The following SH2B1 variants were observed in gnomAD, a reference collection of about 807,000 sequenced individuals.
The protein encoded by SH2B1 is SH2B adapter protein 1.
A neutral mutation model predicts 62.6 loss-of-function variants in SH2B1; 15 were observed. The observed-to-expected ratio is 0.24, with a 90% CI of 0.16 to 0.37. SH2B1 has a LOEUF of 0.37. SH2B1 is among the 10% of genes least tolerant of loss of function. The pLI is 1.00. For missense variants in SH2B1, 925 were observed against 1,015.6 expected, an observed-to-expected ratio of 0.91 and a Z score of 1.21; for synonymous variants, 443 against 438.0, an observed-to-expected ratio of 1.01 and a Z score of -0.14.
Position 28,872,100 on chromosome 16 carries a change from G to T in SH2B1, c.1514-90G>T. ...AGTTGGGGACGCATGTGGGGAGCAG[G>T]CGCCTTGAGGGGAAGGCAAGGCTTT... On this transcript the variant is annotated intron_variant, in intron 5 of 7. Transcript: ENST00000684370. This position sits in a 1 kb window ranked among gnomAD's most constrained non-coding sequence, Gnocchi z 5.3. The T allele has an allele frequency of 7.1e-7, 1 of 1,401,330 alleles. No homozygotes were observed. The highest frequency in any genetic ancestry group is 1.2e-5 in the South Asian group (1 of 84,596). The allele number at this position is 1,401,330 out of a possible 1,614,324, so 86.8% of individuals were successfully genotyped here. A position where few individuals can be genotyped will look rare whatever the true frequency, so the allele number is the denominator to read the frequency against.
chr16:28,866,128 TC>T lies in SH2B1; in HGVS notation c.39del (p.Ser14ArgfsTer82). 1.9e-6 allele frequency: 3 copies of T among 1,574,338 alleles called. No homozygotes were observed. Among genetic ancestry groups the T allele is most frequent in the Non-Finnish European group, 8.6e-7 (1 of 1,162,568 alleles). ...TGCCCCTTCCCCAGAGGACGGGGCC[TC>T]CCCCTCGTCTCCCCCGCTGCCCCCA... ...NGAPSPEDGA[S>X]PSSPPLPPPP... On this transcript the variant is annotated frameshift_variant, in exon 1 of 8. Transcript: ENST00000684370. LOFTEE classifies it high-confidence loss of function. This position sits in a 1 kb window ranked among gnomAD's most constrained non-coding sequence, Gnocchi z 6.3.
Position 28,872,111 on chromosome 16 carries a change from G to C in SH2B1, c.1514-79G>C. On this transcript the variant is annotated intron_variant, in intron 5 of 7. Coordinates refer to ENST00000684370, the MANE Select transcript of SH2B1 (RefSeq NM_001387430.1). The surrounding 1 kb of genome is among the most constrained non-coding windows in gnomAD (Gnocchi z 5.3). ...CATGTGGGGAGCAGGCGCCTTGAGG[G>C]GAAGGCAAGGCTTTTTTCTCCCAGG... 6.9e-7 allele frequency: 1 copy of C among 1,454,962 alleles called. No homozygotes were observed. The highest frequency in any genetic ancestry group is 9.6e-7 in the Non-Finnish European group (1 of 1,046,854). 90.1% of individuals were successfully genotyped at this position (1,454,962 alleles called of 1,614,324 possible). A position where few individuals can be genotyped will look rare whatever the true frequency, so the allele number is the denominator to read the frequency against.
chr16:28,863,885 G>A lies in SH2B1; in HGVS notation c.-2210G>A, dbSNP rs1962537762. On this transcript the variant is annotated 5_prime_UTR_variant, in exon 1 of 8. Coordinates refer to ENST00000684370, the MANE Select transcript of SH2B1 (RefSeq NM_001387430.1). ...CGTCGCGTAGTGGGTGGGGGCGCAG[G>A]GAGCGGGAGCCGCCGCCGCCGCCGC... 2.0e-6 allele frequency: 3 copies of A among 1,494,184 alleles called. No homozygotes were observed. The highest frequency in any genetic ancestry group is 2.7e-6 in the Non-Finnish European group (3 of 1,128,172). The allele number at this position is 1,494,184 out of a possible 1,614,324, so 92.6% of individuals were successfully genotyped here.
At chr16:28,846,628 G>A, upstream of SH2B1, 1 of 340,536 alleles carries the variant, frequency 2.9e-6, no homozygotes, top group Non-Finnish European at 5.5e-6. Context: ...AGGTCGGCGG[G>A]CTGTGGAGGT....
In SH2B1 at chr16:28,873,624, T is replaced by C; in HGVS notation, c.2075T>C (p.Leu692Pro). The change falls in exon 8 of 8, where the codon CTG becomes CCG. Residue 692 changes from leucine to proline, a missense_variant. By Grantham distance (98) the Leu-to-Pro change is moderately conservative. Transcript: ENST00000684370. The surrounding 1 kb of genome is among the most constrained non-coding windows in gnomAD (Gnocchi z 4.2). Reference sequence around the variant, plus strand: ...GGCGGTGGAGGGGTCCCGGAAGAGCTGGTCCCCGTGGTTGAGCTGGTCCCC... The same window carrying C: ...GGCGGTGGAGGGGTCCCGGAAGAGCCGGTCCCCGTGGTTGAGCTGGTCCCC... Reference protein sequence around the residue: ...KAGGGGVPEELVPVVELVPVV... With the variant: ...KAGGGGVPEEPVPVVELVPVV... 1 of 1,541,262 alleles carries C rather than the reference T, an allele frequency of 6.5e-7. No individual in the cohort carries two copies. The highest frequency in any genetic ancestry group is 8.8e-7 in the Non-Finnish European group (1 of 1,142,440).
Position 28,873,649 on chromosome 16 carries a change from C to G in SH2B1, c.2100C>G (p.Pro700=). Residue 700 remains proline (P), a synonymous_variant, in exon 8 of 8, where the codon CCC becomes CCG. Coordinates refer to ENST00000684370, the MANE Select transcript of SH2B1 (RefSeq NM_001387430.1). This position sits in a 1 kb window ranked among gnomAD's most constrained non-coding sequence, Gnocchi z 4.2. ...TGGTCCCCGTGGTTGAGCTGGTCCC[C>G]GTGGTTGAATTGGAAGAGGCCATAG... The part of the protein sequence containing the change: ...EELVPVVELV[P]VVELEEAIAP... 2 of 1,533,340 alleles carry G rather than the reference C, an allele frequency of 1.3e-6. No individual in the cohort carries two copies. The highest frequency in any genetic ancestry group is 1.8e-6 in the Non-Finnish European group (2 of 1,138,604). The allele number at this position is 1,533,340 out of a possible 1,614,324, so 95.0% of individuals were successfully genotyped here.
chr16:28,872,357 C>T lies in SH2B1; in HGVS notation c.1681C>T (p.Arg561Trp), dbSNP rs1963091727. The T allele has an allele frequency of 1.9e-6, 3 of 1,612,944 alleles. No individual in the cohort carries two copies. Among genetic ancestry groups the T allele is most frequent in the Non-Finnish European group, 2.5e-6 (3 of 1,179,292 alleles). The part of the protein sequence containing the change: ...VFLVRQSETR[R>W]GEYVLTFNFQ... Reference sequence around the variant, plus strand: ...CCTGGTGCGCCAGAGTGAGACAAGGCGGGGTGAATACGTCCTCACCTTCAA... The same window carrying T: ...CCTGGTGCGCCAGAGTGAGACAAGGTGGGGTGAATACGTCCTCACCTTCAA... The change falls in exon 6 of 8, where the codon CGG becomes TGG. Residue 561 changes from arginine to tryptophan, a missense_variant. Around this residue, in one of 3 missense-constraint regions of SH2B1, gnomAD observed 57 missense variants for 122.1 expected, o/e 0.47. Coordinates refer to ENST00000684370, the MANE Select transcript of SH2B1 (RefSeq NM_001387430.1). The surrounding 1 kb of genome is among the most constrained non-coding windows in gnomAD (Gnocchi z 5.3).
In SH2B1 at chr16:28,865,700, G is replaced by A. The variant is rs950657069; in HGVS notation, c.-395G>A. 4 of 1,013,728 alleles carry A rather than the reference G, an allele frequency of 3.9e-6. No individual in the cohort carries two copies. Among genetic ancestry groups the A allele is most frequent in the South Asian group, 4.5e-5 (1 of 22,198 alleles). 62.8% of individuals were successfully genotyped at this position (1,013,728 alleles called of 1,614,324 possible). On this transcript the variant is annotated 5_prime_UTR_variant, in exon 1 of 8. Coordinates refer to ENST00000684370, the MANE Select transcript of SH2B1 (RefSeq NM_001387430.1). ...TGAATATTGGAGGATCCGATGTAGA[G>A]GGGGGGTGATCTGGAAAAGTTCCCT...
At chr16:28,863,777 C>G, upstream of SH2B1, 5 of 1,535,726 alleles carry the variant, frequency 3.3e-6, no homozygotes, top group Non-Finnish European at 3.5e-6. Flanking sequence ...GTGCCCTTCC[C>G]TCCCGCCGCT....
rs572445577 is a variant in SH2B1, at chr16:28,873,075, C to T, written c.1897+370C>T. The T allele has an allele frequency of 5.6e-5, 48 of 850,768 alleles. No homozygotes were observed. The African/African-American group carries it at 7.9e-4, about 14-fold the overall frequency. The allele number at this position is 850,768 out of a possible 1,614,324, so 52.7% of individuals were successfully genotyped here. A position where few individuals can be genotyped will look rare whatever the true frequency, so the allele number is the denominator to read the frequency against. ...TCCCGGGGACACTCGGTCTGATCCC[C>T]TTCCCTCCTCCCTCAATGTCTCATG... On this transcript the variant is annotated intron_variant, in intron 7 of 7. Coordinates refer to ENST00000684370, the MANE Select transcript of SH2B1 (RefSeq NM_001387430.1). The surrounding 1 kb of genome is among the most constrained non-coding windows in gnomAD (Gnocchi z 4.2).
intron 4 of SH2B1, 123 bp from the exon 5 acceptor site, chr16:28,871,657 A>T (rs1380698463): frequency 1.3e-6 from 1 of 749,320 alleles, no homozygotes. Context: ...CTACCCACAG[A>T]GCTGTTTGGC....
intron 2 of SH2B1, 33 bp downstream of exon 2, chr16:28,867,465 C>T: frequency 6.5e-7 from 1 of 1,533,050 alleles, no homozygotes; most frequent in Non-Finnish European, 9.0e-7. Flanking sequence ...GCCGGCAGTG[C>T]TTGTGTTAAG....
chr16:28,864,492 G>A lies in SH2B1; in HGVS notation c.-1603G>A, dbSNP rs1596619969. On this transcript the variant is annotated 5_prime_UTR_variant, in exon 1 of 8. Transcript: ENST00000684370. ...CTCCTGCATCTCCTGATTGTTTCTC[G>A]TTGGTTTGGAGTTGTCCCTGCGGTT... is the stretch of plus-strand genomic sequence containing the variant. 1.0e-6 allele frequency: 1 copy of A among 985,756 alleles called. No individual in the cohort carries two copies. Among genetic ancestry groups the A allele is most frequent in the East Asian group, 1.1e-4 (1 of 8,944 alleles). The allele number at this position is 985,756 out of a possible 1,614,324, so 61.1% of individuals were successfully genotyped here.
upstream of SH2B1, among the ~76,000 whole-genome samples, chr16:28,860,661 T>C (rs1962423327): frequency 6.6e-6 from 1 of 152,170 alleles, no homozygotes; most frequent in Non-Finnish European, 1.5e-5. Context: ...CTAGAGACCA[T>C]GGCAGCACAC....
At chr16:28,868,947 C>T in intron 2 of SH2B1, 59 bp from the exon 3 acceptor site, 5 of 1,263,442 alleles carry the variant, frequency 4.0e-6, no homozygotes, top group Non-Finnish European at 5.8e-6. Context: ...TCTCATTAGG[C>T]ATGGATTAAG....
Position 28,866,769 on chromosome 16 carries a change from T to G in SH2B1, c.675T>G (p.Thr225=). 6.3e-7 allele frequency: 1 copy of G among 1,579,920 alleles called. No homozygotes were observed. Residue 225 remains threonine (T), a synonymous_variant, in exon 1 of 8, where the codon ACT becomes ACG. Transcript: ENST00000684370. The surrounding 1 kb of genome is among the most constrained non-coding windows in gnomAD (Gnocchi z 6.3). The stretch of plus-strand genomic sequence containing the variant: ...GAACGTCCCCTGGGGAAAGATGGAC[T>G]CACCGTTTTGAGAGGCTGAGACTCA... ...SDGTSPGERW[T]HRFERLRLSR... is the part of the protein sequence containing the mutation.
chr16:28,859,640 C>T (rs923476638), upstream of SH2B1, among the ~76,000 whole-genome samples: 1 of 151,070 alleles, frequency 6.6e-6, no homozygotes, highest in Non-Finnish European at 1.5e-5. Context: ...CCCAGGAGTT[C>T]GAAGCTGCAG....
upstream of SH2B1, chr16:28,862,416 T>C (rs1242262276): frequency 6.6e-6 from 1 of 152,112 alleles, no homozygotes; most frequent in Non-Finnish European, 1.5e-5. Flanking sequence ...TGCCTCAGCC[T>C]CCTCTCAAGT....
rs375217869 is a variant in SH2B1, at chr16:28,872,175, C to G, written c.1514-15C>G. The G allele has an allele frequency of 6.2e-7, 1 of 1,607,576 alleles. No individual in the cohort carries two copies. Among genetic ancestry groups the G allele is most frequent in the African/African-American group, 1.3e-5 (1 of 74,776 alleles). ...CCCTGACACCCCGGTTTCCCTCCCT[C>G]TCTCCTTCCTGAAGGGTCCTTCCTG... On this transcript the variant is annotated splice_polypyrimidine_tract_variant and intron_variant, in intron 5 of 7. Transcript: ENST00000684370. This position sits in a 1 kb window ranked among gnomAD's most constrained non-coding sequence, Gnocchi z 5.3.
Sources: gnomAD v4.1 joint callset for allele counts (sites outside exome capture counted in the v4.1 genomes callset) on GRCh38, gnomAD v4.1.1 for gene constraint, gnomAD v4.1.1 regional missense constraint, Gnocchi (gnomAD v3.1) non-coding constraint, MANE v1.5 for transcripts, NCBI Gene and HGNC (gene_info 2026-07-23, HGNC 2026-07-21) for gene names.